Variants in RGS9 observed in about 807,000 individuals in gnomAD.
RGS9 encodes regulator of G-protein signalling 9.
Under a neutral mutation model 102.0 loss-of-function variants are expected in RGS9, and 78 were observed. The ratio of observed to expected loss-of-function variants is 0.76; its 90% CI spans 0.64 to 0.92. The LOEUF (loss-of-function observed/expected upper bound fraction) is 0.92. Ranked by LOEUF, RGS9 falls within the 40% of genes least tolerant of loss-of-function variation. RGS9 has a pLI of 0.00. For synonymous variants in RGS9, 353 were observed against 318.6 expected, an observed-to-expected ratio of 1.11 and a Z score of -1.15; for missense variants, 833 against 866.1, an observed-to-expected ratio of 0.96 and a Z score of 0.48.
rs192602658 is a variant in RGS9 at position 65,166,220 on chromosome 17, C to T, written c.501-1980C>T. Among the ~76,000 whole-genome samples the T allele has an allele frequency of 3.0e-4, 46 of 152,308 alleles. 1 individual carries two copies. Among genetic ancestry groups the T allele is most frequent in the Admixed American group, 2.6e-3 (40 of 15,290 alleles). On this transcript the variant is annotated intron_variant, in intron 7 of 18. Transcript: ENST00000262406. ...CCTCAGAAATTAGTGCCATGCCTGA[C>T]GTCCCATGTTGGTAGAAACCATCAC...
At chr17:65,189,115 G>A in intron 9 of RGS9, 171 bp from the exon 10 acceptor site, 1 of 632,548 alleles carries the variant, frequency 1.6e-6, no homozygotes, top group Non-Finnish European at 2.8e-6. Flanking sequence ...TTATTCCCCA[G>A]GGGTTACATA....
intron 2 of RGS9, among the ~76,000 whole-genome samples, chr17:65,157,296 C>A (rs1424477345): frequency 2.6e-5 from 4 of 151,972 alleles, no homozygotes; most frequent in Non-Finnish European, 5.9e-5. Flanking sequence ...GTGCTTCGTT[C>A]CAGGGCACCT....
chr17:65,174,198 G>C (rs928115837), intron 8 of RGS9, among the ~76,000 whole-genome samples: 3 of 152,174 alleles, frequency 2.0e-5, no homozygotes, highest in African/African-American at 7.2e-5. Flanking sequence ...GTTGAGCACT[G>C]GGGCAACCAA....
chr17:65,217,337 T>C (rs922381770), intron 17 of RGS9, among the ~76,000 whole-genome samples: 1 of 152,200 alleles, frequency 6.6e-6, no homozygotes, highest in African/African-American at 2.4e-5. Flanking sequence ...GGACTTTATG[T>C]GAACAAAAAA....
At chr17:65,219,862 A>G (rs925633717) in intron 17 of RGS9, among the ~76,000 whole-genome samples, 1 of 151,718 alleles carries the variant, frequency 6.6e-6, no homozygotes, top group African/African-American at 2.4e-5. Context: ...CACCATCACT[A>G]TCACCATCAT....
chr17:65,189,727 T>C (rs1434146279), intron 10 of RGS9, among the ~76,000 whole-genome samples: 1 of 152,122 alleles, frequency 6.6e-6, no homozygotes, highest in Non-Finnish European at 1.5e-5. Context: ...CCATGGGGCA[T>C]TGAGCTGGGG....
At chr17:65,219,543 C>A (rs919765058) in intron 17 of RGS9, among the ~76,000 whole-genome samples, 2 of 152,208 alleles carry the variant, frequency 1.3e-5, no homozygotes, top group Admixed American at 6.5e-5. Flanking sequence ...ATATTTTAAA[C>A]AACTTAACAA....
At chr17:65,192,668 A>G (rs928934696) in intron 11 of RGS9, among the ~76,000 whole-genome samples, 4 of 152,172 alleles carry the variant, frequency 2.6e-5, no homozygotes, top group South Asian at 4.1e-4. Flanking sequence ...GTAGCACTGA[A>G]GGATGACTGT....
At chr17:65,188,807 G>T (rs980419272) in intron 9 of RGS9, 10 of 179,196 alleles carry the variant, frequency 5.6e-5, no homozygotes, top group Non-Finnish European at 1.1e-4. Context: ...TAAAGACGGG[G>T]TTTTGTCATG....
intron 1 of RGS9, among the ~76,000 whole-genome samples, chr17:65,149,176 G>GT (rs1363992111): frequency 8.6e-5 from 13 of 151,070 alleles, no homozygotes; most frequent in African/African-American, 2.7e-4. Context: ...GTTTTGCCAT[G>GT]TTGGCCAGGC....
chr17:65,227,111 C>A (rs1037213282), intron 18 of RGS9, among the ~76,000 whole-genome samples, 164 bp from the exon 19 acceptor site: 2 of 152,210 alleles, frequency 1.3e-5, no homozygotes, highest in African/African-American at 2.4e-5. Flanking sequence ...GCACACACAA[C>A]CTTTGTAGTC....
chr17:65,160,984 C>T (rs1202864552), intron 6 of RGS9, 75 bp downstream of exon 6: 4 of 1,184,284 alleles, frequency 3.4e-6, no homozygotes, highest in Non-Finnish European at 5.1e-6. Context: ...TCCTCATTCC[C>T]ACATCACTAC....
chr17:65,177,089 CCA>C (rs1911664011), intron 8 of RGS9, among the ~76,000 whole-genome samples: 1 of 143,838 alleles, frequency 7.0e-6, no homozygotes, highest in South Asian at 2.1e-4. Context: ...ATCCATCCAT[CCA>C]TCCTTCCATC....
chr17:65,165,258 C>T (rs1263708208), intron 7 of RGS9, among the ~76,000 whole-genome samples: 1 of 152,190 alleles, frequency 6.6e-6, no homozygotes, highest in African/African-American at 2.4e-5. Context: ...ACCACCAAGG[C>T]CTTGGACTCA....
At chr17:65,180,441 C>T (rs141462578) in intron 9 of RGS9, among the ~76,000 whole-genome samples, 1,731 of 152,148 alleles carry the variant, frequency 0.011, 8 homozygotes, top group Non-Finnish European at 0.017. Flanking sequence ...CTCCGCCTTC[C>T]GGGTTGAAGT....
intron 17 of RGS9, among the ~76,000 whole-genome samples, chr17:65,211,294 G>C (rs1019394484): frequency 2.0e-5 from 3 of 152,204 alleles, no homozygotes; most frequent in African/African-American, 7.2e-5. Flanking sequence ...CTCCTGTTGA[G>C]TTTGTTCTTA....
intron 17 of RGS9, among the ~76,000 whole-genome samples, chr17:65,221,778 G>A (rs1179002799): frequency 6.6e-6 from 1 of 152,198 alleles, no homozygotes; most frequent in Non-Finnish European, 1.5e-5. Flanking sequence ...TTCATAGATG[G>A]AGTCTCTTCA....
chr17:65,144,779 T>A (rs995290007), intron 1 of RGS9, among the ~76,000 whole-genome samples: 6 of 152,188 alleles, frequency 3.9e-5, no homozygotes, highest in African/African-American at 1.4e-4. Context: ...GGGGAAGGGA[T>A]GTTTCTGATT....
At chr17:65,220,052 CATT>C (rs1242271435) in intron 17 of RGS9, among the ~76,000 whole-genome samples, 1 of 151,904 alleles carries the variant, frequency 6.6e-6, no homozygotes, top group Non-Finnish European at 1.5e-5. Flanking sequence ...ATCACCATAT[CATT>C]ATTATTATCA....
Sources: allele counts gnomAD v4.1 joint callset (sites outside exome capture counted in the v4.1 genomes callset), GRCh38; gene constraint gnomAD v4.1.1; transcripts MANE v1.5; gene names NCBI Gene and HGNC (gene_info 2026-07-23, HGNC 2026-07-21).